PRTFDC1: variants seen among roughly 807,000 people sequenced by gnomAD.
The protein encoded by PRTFDC1 is phosphoribosyltransferase domain-containing protein 1.
PRTFDC1 carries 38 observed loss-of-function variants against 34.6 expected under a neutral mutation model. That is an observed-to-expected ratio of 1.10 (90% CI 0.85 to 1.44). PRTFDC1 has a LOEUF of 1.44. PRTFDC1 is among the 40% of genes most tolerant of loss of function. The pLI, the probability that PRTFDC1 is intolerant of heterozygous loss-of-function variation, is 0.00. For synonymous variants in PRTFDC1, 93 were observed against 98.1 expected (o/e 0.95, Z 0.31); for missense variants, 270 against 283.0 (o/e 0.95, Z 0.33).
chr10:24,940,805 C>A (rs1314411897), intron 2 of PRTFDC1, among the ~76,000 whole-genome samples: 2 of 152,108 alleles, frequency 1.3e-5, no homozygotes, highest in Non-Finnish European at 2.9e-5. Flanking sequence ...ACTGGTCAAT[C>A]AATAATTAGC....
chr10:24,852,587 C>T (rs977221205), intron 7 of PRTFDC1, among the ~76,000 whole-genome samples: 5 of 152,168 alleles, frequency 3.3e-5, no homozygotes, highest in South Asian at 2.1e-4. Flanking sequence ...TGCAAAACTA[C>T]GCCTGGCTAA....
intron 3 of PRTFDC1, among the ~76,000 whole-genome samples, chr10:24,884,772 G>A (rs1848136555): frequency 6.6e-6 from 1 of 152,116 alleles, no homozygotes; most frequent in South Asian, 2.1e-4. Context: ...AAAGAGAAAG[G>A]GATATTGGCC....
In PRTFDC1 at chr10:24,849,828, G is replaced by A. The variant is rs1847452203; in HGVS notation, c.*16C>T. The A allele has an allele frequency of 1.2e-6, 2 of 1,612,728 alleles. No homozygotes were observed. Among genetic ancestry groups the A allele is most frequent in the Non-Finnish European group, 1.7e-6 (2 of 1,178,870 alleles). On this transcript the variant is annotated 3_prime_UTR_variant, in exon 9 of 9. Coordinates refer to ENST00000320152, the MANE Select transcript of PRTFDC1 (RefSeq NM_020200.7). Reference sequence around the variant, plus strand: ...TATGATGCTATCTGGGACTTTAGTGGTGAGAATTCATGTCTTTAGACTCGA... The same window carrying A: ...TATGATGCTATCTGGGACTTTAGTGATGAGAATTCATGTCTTTAGACTCGA...
chr10:24,890,933 A>G (rs528302139), intron 3 of PRTFDC1, among the ~76,000 whole-genome samples: 28 of 152,338 alleles, frequency 1.8e-4, no homozygotes, highest in African/African-American at 6.0e-4. Flanking sequence ...GAACTGCAGC[A>G]GGGATTGGCG....
At chr10:24,937,478 G>A in intron 2 of PRTFDC1, 111 bp from the exon 3 acceptor site, 1 of 985,184 alleles carries the variant, frequency 1.0e-6, no homozygotes, top group Non-Finnish European at 1.4e-6. Flanking sequence ...AGGAATGTGG[G>A]GAAAACCTTG....
At chr10:24,911,476 C>A (rs888685754) in intron 3 of PRTFDC1, among the ~76,000 whole-genome samples, 2 of 152,178 alleles carry the variant, frequency 1.3e-5, no homozygotes, top group Non-Finnish European at 2.9e-5. Flanking sequence ...ACAGTTTTTT[C>A]ATTCCTTCAT....
intron 3 of PRTFDC1, among the ~76,000 whole-genome samples, chr10:24,923,442 G>A (rs1443019922): frequency 1.3e-5 from 2 of 152,202 alleles, no homozygotes; most frequent in African/African-American, 4.8e-5. Context: ...CTGGAATGAA[G>A]CTTCCAGAGG....
intron 5 of PRTFDC1, 110 bp from the exon 6 acceptor site, chr10:24,857,105 T>C (rs558105453): frequency 2.1e-6 from 2 of 951,124 alleles, no homozygotes; most frequent in African/African-American, 1.6e-5. Flanking sequence ...AAAAATGCCA[T>C]CCAATTTGGA....
rs1388468879 is a variant in PRTFDC1 at position 24,849,201 on chromosome 10, C to G, written c.*643G>C. On this transcript the variant is annotated 3_prime_UTR_variant, in exon 9 of 9. Coordinates refer to ENST00000320152, the MANE Select transcript of PRTFDC1 (RefSeq NM_020200.7). ...TACATGACATACCGTCATCACATAC[C>G]GGAAGCTCCAATCAAGAGCCCCGAG... 1 of 152,544 alleles carries G rather than the reference C, an allele frequency of 6.6e-6. No individual in the cohort carries two copies. The highest frequency in any genetic ancestry group is 1.9e-4 in the East Asian group (1 of 5,198). The allele number at this position is 152,544 out of a possible 1,614,324, so 9.4% of individuals were successfully genotyped here. A position where few individuals can be genotyped will look rare whatever the true frequency, so the allele number is the denominator to read the frequency against.
At chr10:24,948,449 T>C (rs966210348) in intron 1 of PRTFDC1, among the ~76,000 whole-genome samples, 1 of 152,238 alleles carries the variant, frequency 6.6e-6, no homozygotes, top group Non-Finnish European at 1.5e-5. Flanking sequence ...GAGCAAAATT[T>C]CTGACCTTAG....
At position 24,916,958 on chromosome 10, in the gene PRTFDC1, T is replaced by C. The variant is rs543915334; in HGVS notation, c.339+20226A>G. On this transcript the variant is annotated intron_variant, in intron 3 of 8. Coordinates refer to ENST00000320152, the MANE Select transcript of PRTFDC1 (RefSeq NM_020200.7). ...TCCCTTACAGTCCAATTACCATATA[T>C]GTGTATCTTCTCATTACCCTGTATG... Among the ~76,000 whole-genome samples, 100 of 152,262 alleles carry C rather than the reference T, an allele frequency of 6.6e-4. 2 individuals are homozygous for C. Among genetic ancestry groups the C allele is most frequent in the African/African-American group, 2.4e-3 (100 of 41,554 alleles).
intron 3 of PRTFDC1, among the ~76,000 whole-genome samples, chr10:24,893,388 A>G (rs1464419871): frequency 3.3e-5 from 5 of 152,190 alleles, no homozygotes; most frequent in African/African-American, 1.2e-4. Flanking sequence ...TCCTGCACTC[A>G]AGCAATCCTT....
chr10:24,895,948 T>TC (rs937953815), intron 3 of PRTFDC1, among the ~76,000 whole-genome samples: 1 of 151,438 alleles, frequency 6.6e-6, no homozygotes, highest in East Asian at 1.9e-4. Context: ...TAAAACTAGT[T>TC]CCCCCCCTTC....
chr10:24,861,382 C>T (rs1847677643), intron 4 of PRTFDC1, among the ~76,000 whole-genome samples: 1 of 152,030 alleles, frequency 6.6e-6, no homozygotes, highest in African/African-American at 2.4e-5. Flanking sequence ...AGCCTGCAGT[C>T]CTAGCCACTT....
At chr10:24,949,213 C>G (rs563901545) in intron 1 of PRTFDC1, among the ~76,000 whole-genome samples, 105 of 152,258 alleles carry the variant, frequency 6.9e-4, no homozygotes, top group African/African-American at 2.4e-3. Context: ...CCTCAGCCTC[C>G]CCGGTAGCTG....
At chr10:24,862,268 A>C (rs1667989687) in intron 4 of PRTFDC1, among the ~76,000 whole-genome samples, 1 of 152,190 alleles carries the variant, frequency 6.6e-6, no homozygotes, top group South Asian at 2.1e-4. Flanking sequence ...GTTGTCCTTA[A>C]AATGGCCTTT....
chr10:24,855,273 C>T lies in PRTFDC1; in HGVS notation c.553+45G>A, dbSNP rs951429183. ...TAAACATAAAATGAAACACCATAAG[C>T]ACAAAACAAACAAACAAACAAACAA... On this transcript the variant is annotated intron_variant, in intron 7 of 8. Coordinates refer to ENST00000320152, the MANE Select transcript of PRTFDC1 (RefSeq NM_020200.7). The T allele has an allele frequency of 7.1e-6, 11 of 1,557,464 alleles. No individual in the cohort carries two copies. The Admixed American group carries it at 1.0e-4, about 14-fold the overall frequency.
chr10:24,919,866 G>GA (rs1252286729), intron 3 of PRTFDC1, among the ~76,000 whole-genome samples: 3 of 151,490 alleles, frequency 2.0e-5, no homozygotes, highest in Non-Finnish European at 4.4e-5. Flanking sequence ...CAACAAACAT[G>GA]AAAAAAAACT....
chr10:24,884,324 T>C (rs1010455533), intron 3 of PRTFDC1, among the ~76,000 whole-genome samples: 2 of 152,140 alleles, frequency 1.3e-5, no homozygotes, highest in African/African-American at 4.8e-5. Context: ...TGGCAGCAGA[T>C]TCTGTGCCAT....
Sources: allele counts gnomAD v4.1 joint callset (sites outside exome capture counted in the v4.1 genomes callset), GRCh38; gene constraint gnomAD v4.1.1; transcripts MANE v1.5; gene names NCBI Gene and HGNC (gene_info 2026-07-23, HGNC 2026-07-21).